The following CCDC144A variants were observed in gnomAD, a reference collection of about 807,000 sequenced individuals.
The protein encoded by CCDC144A is coiled-coil domain containing 144A, also known as coiled-coil domain-containing protein 144A.
Under a neutral mutation model 143.8 loss-of-function variants are expected in CCDC144A, and 41 were observed. The observed-to-expected ratio is 0.29, with a 90% CI of 0.22 to 0.37. CCDC144A has a LOEUF of 0.37. CCDC144A is among the 10% of genes least tolerant of loss of function. The probability of loss-of-function intolerance (pLI) is 1.00; values close to 1 mark genes in which losing one functional copy is unlikely to be tolerated. For missense variants in CCDC144A, 637 were observed against 1,488.8 expected (o/e 0.43, Z 9.41); for synonymous variants, 242 against 517.9 (o/e 0.47, Z 7.23).
rs780264088 is a variant in CCDC144A, at chr17:16,709,266, C to A, written c.1209C>A (p.Cys403Ter). The stretch of plus-strand genomic sequence containing the variant: ...ATTTACATGAAAATAAATTAGACTG[C>A]GACAATGATAACAAACCAGGCATTG... ...KFHLHENKLD[C>*]DNDNKPGIGH... Residue 403 changes from cysteine (C) to a stop codon, truncating the protein, a stop_gained, in exon 5 of 17, where the codon TGC becomes TGA. Transcript: ENST00000399273. LOFTEE classifies it high-confidence loss of function. 2 of 1,611,420 alleles carry A rather than the reference C, an allele frequency of 1.2e-6. No homozygotes were observed. Among genetic ancestry groups the A allele is most frequent in the African/African-American group, 1.3e-5 (1 of 74,776 alleles).
Position 16,762,591 on chromosome 17 carries a change from A to G in CCDC144A, c.3887+58A>G. On this transcript the variant is annotated intron_variant, in intron 14 of 16. Transcript: ENST00000399273. Reference sequence around the variant, plus strand: ...TTAAGCTCATTAATTTGCCTTCAAAAGCATGACTTTTAGTGAGACAGGTTC... The same window carrying G: ...TTAAGCTCATTAATTTGCCTTCAAAGGCATGACTTTTAGTGAGACAGGTTC... 3 of 1,463,544 alleles carry G rather than the reference A, an allele frequency of 2.0e-6. No individual in the cohort carries two copies. In the South Asian group the frequency reaches 4.0e-5, roughly 19 times the overall value. The allele number at this position is 1,463,544 out of a possible 1,614,324, so 90.7% of individuals were successfully genotyped here.
Position 16,753,444 on chromosome 17 carries a change from T to TTG in CCDC144A, c.3373-7980_3373-7979insGT, listed in dbSNP as rs1567606591. 7.9e-4 allele frequency among the ~76,000 whole-genome samples: 102 copies of TTG among 129,000 alleles called. 2 individuals carry two copies. The East Asian group carries it at 0.014, about 18-fold the overall frequency. The allele number at this position is 129,000 out of a possible 152,430, so 84.6% of individuals were successfully genotyped here. A position where few individuals can be genotyped will look rare whatever the true frequency, so the allele number is the denominator to read the frequency against. ...TGTTTTGTAGTTTTTTTTTTTTTTT[T>TTG]TTTTTTTTTTTTGTAAAGCTCTTTA... On this transcript the variant is annotated intron_variant, in intron 12 of 16. Transcript: ENST00000399273.
In CCDC144A at chr17:16,776,874, G is replaced by A. The variant is rs901660484; in HGVS notation, c.*3241G>A. ...TCACATCTCAATGCTAATGTTGAAC[G>A]TAAATGGCCTAAATGCTCCACTTAA... On this transcript the variant is annotated 3_prime_UTR_variant, in exon 17 of 17. Coordinates refer to ENST00000399273, the MANE Select transcript of CCDC144A (RefSeq NM_001382000.1). The A allele has an allele frequency of 2.6e-5, 4 of 151,806 alleles. No individual in the cohort carries two copies. Among genetic ancestry groups the A allele is most frequent in the African/African-American group, 7.3e-5 (3 of 41,254 alleles). The allele number at this position is 151,806 out of a possible 1,614,324, so 9.4% of individuals were successfully genotyped here. A position where few individuals can be genotyped will look rare whatever the true frequency, so the allele number is the denominator to read the frequency against.
chr17:16,721,791 T>TA (rs1022140642), intron 8 of CCDC144A, among the ~76,000 whole-genome samples: 2 of 151,898 alleles, frequency 1.3e-5, no homozygotes, highest in Admixed American at 6.6e-5. Flanking sequence ...ATACATATGT[T>TA]AAAAAACACA....
chr17:16,761,364 T>G, intron 12 of CCDC144A, 61 bp from the exon 13 acceptor site: 1 of 1,527,770 alleles, frequency 6.5e-7, no homozygotes, highest in Non-Finnish European at 8.7e-7. Context: ...TATTAGTTTT[T>G]TGTTAGACCA....
In CCDC144A at chr17:16,746,642, T is replaced by A. The variant is rs568580552; in HGVS notation, c.3372+10999T>A. The A allele has an allele frequency of 3.7e-6, 6 of 1,612,366 alleles. No homozygotes were observed. The East Asian group carries it at 1.3e-4, about 36-fold the overall frequency. On this transcript the variant is annotated intron_variant, in intron 12 of 16. Transcript: ENST00000399273. ...ATTAATGTATGCTCTTGAGTAGAGA[T>A]GAGGATAAAGACTCAGGTCGGCGGC...
At chr17:16,720,053 T>G (rs534503738) in intron 6 of CCDC144A, 145 bp from the exon 7 acceptor site, 1 of 1,110,182 alleles carries the variant, frequency 9.0e-7, no homozygotes, top group South Asian at 1.8e-5. Context: ...GCATTTTACA[T>G]TACCTGTAAA....
intron 3 of CCDC144A, chr17:16,705,634 T>C: frequency 2.0e-6 from 1 of 493,524 alleles, no homozygotes; most frequent in Non-Finnish European, 3.7e-6. Flanking sequence ...TAGGATTATA[T>C]TTAGAATATA....
chr17:16,726,285 G>A (rs1385342040), intron 8 of CCDC144A, among the ~76,000 whole-genome samples: 1 of 151,174 alleles, frequency 6.6e-6, no homozygotes, highest in South Asian at 2.1e-4. Context: ...GGAGCCTGAG[G>A]CAGGAGAATG....
chr17:16,764,229 T>C (rs1915504813), intron 15 of CCDC144A, 54 bp downstream of exon 15: 2 of 1,567,332 alleles, frequency 1.3e-6, no homozygotes, highest in Non-Finnish European at 1.7e-6. Flanking sequence ...TTCTTGTATG[T>C]TATTTGGTAA....
chr17:16,705,203 G>C lies in CCDC144A; in HGVS notation c.468G>C (p.Lys156Asn), dbSNP rs55898632. ...GTGATGAGACTTGTCAGAGATCCAA[G>C]AATCTGAAAGTTGATGATAAATGTC... Reference protein sequence around the residue: ...TLSDETCQRSKNLKVDDKCPS... With the variant: ...TLSDETCQRSNNLKVDDKCPS... The change falls in exon 3 of 17, where the codon AAG becomes AAC. Residue 156 changes from lysine to asparagine, a missense_variant. Physicochemically the swap from Lys to Asn is moderately conservative, Grantham distance 94. Coordinates refer to ENST00000399273, the MANE Select transcript of CCDC144A (RefSeq NM_001382000.1). 4.0e-3 allele frequency: 3,353 copies of C among 838,748 alleles called. 60 individuals carry two copies. The African/African-American group carries it at 0.049, about 12-fold the overall frequency. The allele number at this position is 838,748 out of a possible 1,614,324, so 52.0% of individuals were successfully genotyped here. A position where few individuals can be genotyped will look rare whatever the true frequency, so the allele number is the denominator to read the frequency against.
intron 12 of CCDC144A, among the ~76,000 whole-genome samples, chr17:16,750,104 A>G (rs1373718328): frequency 6.6e-6 from 1 of 152,100 alleles, no homozygotes; most frequent in African/African-American, 2.4e-5. Flanking sequence ...CAGTATTAAT[A>G]TTTATATGTG....
intron 2 of CCDC144A, among the ~76,000 whole-genome samples, chr17:16,702,113 A>G (rs1911768385): frequency 2.0e-5 from 3 of 152,164 alleles, no homozygotes; most frequent in African/African-American, 7.2e-5. Flanking sequence ...TTTCTTTACA[A>G]TAAATGAAAA....
intron 6 of CCDC144A, among the ~76,000 whole-genome samples, chr17:16,715,584 G>A (rs1238786563): frequency 1.3e-5 from 2 of 152,052 alleles, no homozygotes; most frequent in East Asian, 1.9e-4. Flanking sequence ...TAAAATATAA[G>A]GGTGGTAAAT....
chr17:16,684,925 G>GCACTCTA, upstream of CCDC144A, among the ~76,000 whole-genome samples: 1 of 152,314 alleles, frequency 6.6e-6, no homozygotes, highest in Non-Finnish European at 1.5e-5. Context: ...TTGTACCACT[G>GCACTCTA]CACTCTAGCC....
At chr17:16,693,455 A>G (rs1911212343) in intron 2 of CCDC144A, among the ~76,000 whole-genome samples, 1 of 151,854 alleles carries the variant, frequency 6.6e-6, no homozygotes, top group Non-Finnish European at 1.5e-5. Context: ...AGCTGGGACT[A>G]CAGGCGCCCG....
At chr17:16,747,460 T>G (rs1465710970) in intron 12 of CCDC144A, among the ~76,000 whole-genome samples, 2 of 152,234 alleles carry the variant, frequency 1.3e-5, no homozygotes, top group Non-Finnish European at 2.9e-5. Flanking sequence ...AAAAATGACA[T>G]TAGTAGTTTG....
At chr17:16,679,503 G>A in the CCDC144A span, among the ~76,000 whole-genome samples, 1 of 151,604 alleles carries the variant, frequency 6.6e-6, no homozygotes, top group Non-Finnish European at 1.5e-5. Flanking sequence ...CGGTAAATGA[G>A]GACAGCTTTT....
chr17:16,768,982 G>A (rs1435108032), intron 15 of CCDC144A, among the ~76,000 whole-genome samples: 1 of 152,152 alleles, frequency 6.6e-6, no homozygotes, highest in African/African-American at 2.4e-5. Flanking sequence ...GAACACAGGA[G>A]TCAGATAGAT....
Sources: gnomAD v4.1 joint callset for allele counts (sites outside exome capture counted in the v4.1 genomes callset) on GRCh38, gnomAD v4.1.1 for gene constraint, MANE v1.5 for transcripts, NCBI Gene and HGNC (gene_info 2026-07-23, HGNC 2026-07-21) for gene names.